PPP6R1: variants seen among roughly 807,000 people sequenced by gnomAD.
PPP6R1 encodes protein phosphatase 6 regulatory subunit 1, also known as serine/threonine-protein phosphatase 6 regulatory subunit 1.
PPP6R1 carries 39 observed loss-of-function variants against 104.6 expected under a neutral mutation model. That is an observed-to-expected ratio of 0.37 (90% confidence interval 0.29 to 0.49). The LOEUF is 0.49. Among genes scored for constraint, PPP6R1 ranks in the 20% least tolerant of loss-of-function variants. PPP6R1 has a pLI of 0.98. For synonymous variants in PPP6R1, 549 were observed against 479.0 expected, an observed-to-expected ratio of 1.15 and a Z score of -1.91; for missense variants, 1,181 against 1,155.8, an observed-to-expected ratio of 1.02 and a Z score of -0.32.
chr19:55,242,824 TA>T (rs1487063297), intron 5 of PPP6R1, among the ~76,000 whole-genome samples: 3 of 152,132 alleles, frequency 2.0e-5, no homozygotes, highest in East Asian at 1.9e-4. Context: ...AGGAGAGTGC[TA>T]ATCAGCCAGG....
At position 55,231,995 on chromosome 19, in the gene PPP6R1, T is replaced by C. The variant is rs770260155; in HGVS notation, c.2126-13A>G. 23 of 1,603,552 alleles carry C rather than the reference T, an allele frequency of 1.4e-5. No homozygotes were observed. Among genetic ancestry groups the C allele is most frequent in the Non-Finnish European group, 1.9e-5 (22 of 1,173,428 alleles). On this transcript the variant is annotated splice_polypyrimidine_tract_variant and intron_variant, in intron 18 of 23. Coordinates refer to ENST00000412770, the MANE Select transcript of PPP6R1 (RefSeq NM_014931.4). ...GTCCAGCTGGGGCCTGGGATAGAGG[T>C]GGGGGAGCGGGATGGAGGGTGAACT...
intron 2 of PPP6R1, 121 bp downstream of exon 2, chr19:55,246,756 T>C: frequency 9.9e-7 from 1 of 1,005,496 alleles, no homozygotes; most frequent in Non-Finnish European, 1.4e-6. Context: ...AGCCTCGTCT[T>C]CCTCATCCCC....
In PPP6R1 at chr19:55,230,789, A is replaced by G. The variant is rs1289260918; in HGVS notation, c.2555T>C (p.Leu852Pro). The G allele has an allele frequency of 1.3e-5, 18 of 1,430,276 alleles. No homozygotes were observed. Among genetic ancestry groups the G allele is most frequent in the Non-Finnish European group, 1.7e-5 (18 of 1,071,694 alleles). 88.6% of individuals were successfully genotyped at this position (1,430,276 alleles called of 1,614,324 possible). A position where few individuals can be genotyped will look rare whatever the true frequency, so the allele number is the denominator to read the frequency against. The change falls in exon 22 of 24, where the codon CTT becomes CCT. Residue 852 changes from leucine to proline, a missense_variant. Leu to Pro is a moderately conservative substitution (Grantham distance 98, BLOSUM62 -3). Coordinates refer to ENST00000412770, the MANE Select transcript of PPP6R1 (RefSeq NM_014931.4). The part of the protein sequence containing the change: ...EGEKSPEPLG[L>P]PQSQSAQALT... ...TGGTGCTCACCTCTGGCTTTGGGGA[A>G]GCCCCAAGGGCTCTGGGCTCTTCTC...
chr19:55,247,005 C>T lies in PPP6R1; in HGVS notation c.99G>A (p.Val33=). The T allele has an allele frequency of 6.2e-7, 1 of 1,613,924 alleles. No homozygotes were observed. Among genetic ancestry groups the T allele is most frequent in the Non-Finnish European group, 8.5e-7 (1 of 1,179,890 alleles). The change falls in exon 2 of 24, where the codon GTG becomes GTA. Residue 33 remains valine, a synonymous_variant. Transcript: ENST00000412770. ...GGTTGACGACCTTGCACTCCTGCAG[C>T]ACGTCTTCCTCGTCCAGCAGCTCGG... ...SLPELLDEED[V]LQECKVVNRK... is the part of the protein sequence containing the mutation.
At chr19:55,237,707 C>T (rs533728224) in intron 15 of PPP6R1, among the ~76,000 whole-genome samples, 61 of 152,344 alleles carry the variant, frequency 4.0e-4, no homozygotes, top group African/African-American at 1.4e-3. Flanking sequence ...AGGCAAGTGT[C>T]CTTAGTCCCT....
In PPP6R1 at chr19:55,239,516, G is replaced by A. The variant is rs1263460755; in HGVS notation, c.1654-14C>T. 2.5e-6 allele frequency: 4 copies of A among 1,613,574 alleles called. No individual in the cohort carries two copies. In the African/African-American group the frequency reaches 5.3e-5, roughly 22 times the overall value. ...GTCCATGAAGGCCTGTGGGGGTGCG[G>A]AGGTTAGGGCTGGAGGGAGTTGGGC... On this transcript the variant is annotated splice_polypyrimidine_tract_variant and intron_variant, in intron 14 of 23. Transcript: ENST00000412770.
chr19:55,240,782 G>A (rs1323575654), intron 10 of PPP6R1, among the ~76,000 whole-genome samples, 163 bp downstream of exon 10: 2 of 152,118 alleles, frequency 1.3e-5, no homozygotes, highest in Admixed American at 6.5e-5. Context: ...TGTTTCATCC[G>A]CGTTTCTCCC....
At chr19:55,235,934 G>C (rs1165446478) in intron 17 of PPP6R1, among the ~76,000 whole-genome samples, 1 of 150,542 alleles carries the variant, frequency 6.6e-6, no homozygotes, top group East Asian at 1.9e-4. Context: ...CGCCCCCCAG[G>C]GTAAAGCGAT....
rs757539694 is a variant in PPP6R1, at chr19:55,242,496, G to C, written c.619-8C>G. The C allele has an allele frequency of 1.2e-6, 2 of 1,609,198 alleles. No homozygotes were observed. Among genetic ancestry groups the C allele is most frequent in the Admixed American group, 1.7e-5 (1 of 60,018 alleles). On this transcript the variant is annotated splice_region_variant and splice_polypyrimidine_tract_variant and intron_variant, in intron 5 of 23. Coordinates refer to ENST00000412770, the MANE Select transcript of PPP6R1 (RefSeq NM_014931.4). ...GGATGCGTTGGAATGTTGCTGGAAC[G>C]GGGAGAGACAGGTGAGGATCCTGGT... is the stretch of plus-strand genomic sequence containing the variant.
chr19:55,250,927 T>C (rs1364646383), intron 1 of PPP6R1, among the ~76,000 whole-genome samples: 5 of 152,132 alleles, frequency 3.3e-5, no homozygotes, highest in Non-Finnish European at 5.9e-5. Flanking sequence ...TCTCATCGGG[T>C]CAGCGCCTGG....
At chr19:55,243,086 G>A (rs558221606) in intron 5 of PPP6R1, among the ~76,000 whole-genome samples, 7 of 152,290 alleles carry the variant, frequency 4.6e-5, no homozygotes, top group Non-Finnish European at 1.0e-4. Context: ...TCGGCTGGGT[G>A]TGATGGCACA....
intron 17 of PPP6R1, among the ~76,000 whole-genome samples, chr19:55,235,840 CTTTTTTT>C (rs1196377498): frequency 3.5e-5 from 4 of 113,066 alleles, no homozygotes; most frequent in Non-Finnish European, 5.6e-5. Flanking sequence ...TTTGTTGATT[CTTTTTTT>C]TTTTTTTTTT....
intron 1 of PPP6R1, among the ~76,000 whole-genome samples, chr19:55,258,001 G>A (rs2087606999): frequency 1.3e-5 from 2 of 152,252 alleles, no homozygotes; most frequent in Admixed American, 6.5e-5. Flanking sequence ...GGGATCTAAG[G>A]AGGCTGCGCC....
chr19:55,235,408 C>CG (rs1568944175), intron 17 of PPP6R1, among the ~76,000 whole-genome samples: 1 of 151,776 alleles, frequency 6.6e-6, no homozygotes, highest in Non-Finnish European at 1.5e-5. Flanking sequence ...GACAGGGAGG[C>CG]GGGAAGAGAG....
chr19:55,257,399 T>C (rs1166096296), intron 1 of PPP6R1, among the ~76,000 whole-genome samples: 1 of 152,228 alleles, frequency 6.6e-6, no homozygotes, highest in Non-Finnish European at 1.5e-5. Flanking sequence ...GGCGGGTGTC[T>C]ATGGTCATGT....
intron 17 of PPP6R1, among the ~76,000 whole-genome samples, chr19:55,234,371 C>A (rs756098198): frequency 6.6e-6 from 1 of 152,166 alleles, no homozygotes; most frequent in Non-Finnish European, 1.5e-5. Context: ...TACATATGGT[C>A]AAATATTTCC....
chr19:55,243,153 G>A (rs1372512735), intron 5 of PPP6R1, among the ~76,000 whole-genome samples: 7 of 152,128 alleles, frequency 4.6e-5, no homozygotes, highest in Non-Finnish European at 7.4e-5. Context: ...GGTGGCTCAC[G>A]CCTGTAATCC....
intron 17 of PPP6R1, among the ~76,000 whole-genome samples, chr19:55,233,720 TAAAAG>T (rs1296752760): frequency 2.6e-5 from 4 of 152,062 alleles, no homozygotes; most frequent in Admixed American, 6.6e-5. Context: ...GGAATAAACT[TAAAAG>T]AAATACAAAG....
chr19:55,236,453 G>T, intron 17 of PPP6R1, 190 bp downstream of exon 17: 1 of 636,760 alleles, frequency 1.6e-6, no homozygotes, highest in Non-Finnish European at 2.5e-6. Flanking sequence ...GATTACATGA[G>T]CCCACCATGC....
Sources: gnomAD v4.1 joint callset for allele counts (sites outside exome capture counted in the v4.1 genomes callset) on GRCh38, gnomAD v4.1.1 for gene constraint, MANE v1.5 for transcripts, NCBI Gene and HGNC (gene_info 2026-07-23, HGNC 2026-07-21) for gene names.